Variants in KCNC2 observed in about 807,000 individuals in gnomAD.
KCNC2 encodes potassium voltage-gated channel subfamily C member 2, also known as voltage-gated potassium channel KCNC2.
Under a neutral mutation model 44.5 loss-of-function variants are expected in KCNC2, and 21 were observed. That is an observed-to-expected ratio of 0.47 (90% CI 0.33 to 0.68). The LOEUF is 0.68. Among genes scored for constraint, KCNC2 ranks in the 30% least tolerant of loss-of-function variants. The pLI is 0.01. For synonymous variants in KCNC2, 391 were observed against 339.1 expected (o/e 1.15, Z -1.68); for missense variants, 589 against 826.2 (o/e 0.71, Z 3.52).
intron 2 of KCNC2, among the ~76,000 whole-genome samples, chr12:75,082,604 C>T (rs186712529): frequency 8.4e-4 from 126 of 149,972 alleles, no homozygotes; most frequent in African/African-American, 2.9e-3. Flanking sequence ...CACTGCAGTG[C>T]TGCTTTTCAC....
At position 75,051,074 on chromosome 12, in the gene KCNC2, T is replaced by C; in HGVS notation, c.931A>G (p.Ile311Val). 6.2e-7 allele frequency: 1 copy of C among 1,613,808 alleles called. No homozygotes were observed. Among genetic ancestry groups the C allele is most frequent in the Non-Finnish European group, 8.5e-7 (1 of 1,179,834 alleles). ...IVFSPNKLEF[I>V]KNLLNIIDFV... ...TCAATGATATTCAAGAGATTTTTGA[T>C]GAATTCAAGTTTATTGGGTGAAAAA... The change falls in exon 3 of 5, where the codon ATC becomes GTC. Residue 311 changes from isoleucine to valine, a missense_variant. Around this residue, in one of 7 missense-constraint regions of KCNC2, gnomAD observed 67 missense variants for 237.4 expected, o/e 0.28. Transcript: ENST00000549446.
At chr12:75,136,602 C>T (rs986700863) in intron 2 of KCNC2, among the ~76,000 whole-genome samples, 3 of 152,140 alleles carry the variant, frequency 2.0e-5, no homozygotes, top group African/African-American at 7.2e-5. Context: ...AAACATACAG[C>T]CTCCCAAGAT....
intron 2 of KCNC2, among the ~76,000 whole-genome samples, chr12:75,119,374 C>G (rs1449438250): frequency 6.6e-6 from 1 of 152,110 alleles, no homozygotes; most frequent in African/African-American, 2.4e-5. Context: ...TATTTTCTCT[C>G]TAGTAGAGAT....
chr12:75,097,918 G>A (rs1272389450), intron 2 of KCNC2, among the ~76,000 whole-genome samples: 2 of 152,054 alleles, frequency 1.3e-5, no homozygotes, highest in East Asian at 3.9e-4. Context: ...TCTATTGTTA[G>A]GAAAATAAGA....
At chr12:75,168,095 C>A (rs1026542908) in intron 2 of KCNC2, among the ~76,000 whole-genome samples, 1 of 146,688 alleles carries the variant, frequency 6.8e-6, no homozygotes, top group Non-Finnish European at 1.5e-5. Context: ...CATCATTTGC[C>A]CTCCTAAAAC....
intron 2 of KCNC2, among the ~76,000 whole-genome samples, chr12:75,086,632 T>C (rs918330804): frequency 4.3e-5 from 6 of 138,316 alleles, no homozygotes; most frequent in South Asian, 2.3e-4. Flanking sequence ...CAGTAGAATG[T>C]AGTCCCATAA....
At chr12:75,074,225 C>A (rs950719041) in intron 2 of KCNC2, among the ~76,000 whole-genome samples, 13 of 139,972 alleles carry the variant, frequency 9.3e-5, no homozygotes, top group Admixed American at 3.9e-4. Flanking sequence ...TCTAAGACTA[C>A]TCATAGATTT....
intron 2 of KCNC2, among the ~76,000 whole-genome samples, chr12:75,156,766 A>G (rs1890787239): frequency 6.6e-6 from 1 of 151,884 alleles, no homozygotes; most frequent in African/African-American, 2.4e-5. Context: ...TTAAGTTTGC[A>G]GCCTACCATT....
chr12:75,141,192 T>G (rs922802314), intron 2 of KCNC2, among the ~76,000 whole-genome samples: 16 of 152,180 alleles, frequency 1.1e-4, no homozygotes, highest in African/African-American at 3.4e-4. Context: ...CCTCAAATGT[T>G]TTATTTTCAA....
chr12:75,188,825 C>T (rs971842513), intron 2 of KCNC2, among the ~76,000 whole-genome samples: 1 of 151,656 alleles, frequency 6.6e-6, no homozygotes, highest in Non-Finnish European at 1.5e-5. Flanking sequence ...TGCCACTGCA[C>T]TCACTGCAGC....
intron 2 of KCNC2, among the ~76,000 whole-genome samples, chr12:75,172,254 T>G (rs960908497): frequency 2.0e-5 from 3 of 151,776 alleles, no homozygotes; most frequent in Non-Finnish European, 4.4e-5. Context: ...TGTTTTCACT[T>G]ATAAGTGGGA....
intron 2 of KCNC2, among the ~76,000 whole-genome samples, chr12:75,182,923 T>C (rs1892701662): frequency 6.6e-6 from 1 of 152,190 alleles, no homozygotes; most frequent in South Asian, 2.1e-4. Flanking sequence ...GGCTGTTTTA[T>C]GCCATGCAGT....
rs539051030 is a variant in KCNC2 at position 75,167,511 on chromosome 12, A to G, written c.687+39786T>C. ...AATGCATGAAAAGAAAGTCATAAGT[A>G]AACACATCATAACAGAGAAAGAAAA... On this transcript the variant is annotated intron_variant, in intron 2 of 4. Coordinates refer to ENST00000549446, the MANE Select transcript of KCNC2 (RefSeq NM_139137.4). Among the ~76,000 whole-genome samples the G allele has an allele frequency of 3.3e-5, 5 of 151,446 alleles. No individual in the cohort carries two copies. The South Asian group carries it at 1.0e-3, about 31-fold the overall frequency.
At chr12:75,138,724 T>G (rs112544947) in intron 2 of KCNC2, among the ~76,000 whole-genome samples, 1 of 152,182 alleles carries the variant, frequency 6.6e-6, no homozygotes, top group African/African-American at 2.4e-5. Context: ...CTCATGCTTA[T>G]AATCCCAGCA....
At chr12:75,076,840 T>A (rs1356178302) in intron 2 of KCNC2, among the ~76,000 whole-genome samples, 1 of 152,224 alleles carries the variant, frequency 6.6e-6, no homozygotes, top group Non-Finnish European at 1.5e-5. Context: ...TTTATAAGAA[T>A]TATTAATTGG....
At chr12:75,076,808 C>A (rs1250325916) in intron 2 of KCNC2, among the ~76,000 whole-genome samples, 11 of 152,158 alleles carry the variant, frequency 7.2e-5, no homozygotes, top group Non-Finnish European at 1.2e-4. Flanking sequence ...TTAAATATAT[C>A]TATCTCTATC....
intron 2 of KCNC2, among the ~76,000 whole-genome samples, chr12:75,054,880 G>C (rs979597167): frequency 6.6e-6 from 1 of 152,112 alleles, no homozygotes; most frequent in Non-Finnish European, 1.5e-5. Context: ...ATTATCCAGA[G>C]GCAAACACTT....
intron 2 of KCNC2, among the ~76,000 whole-genome samples, chr12:75,075,016 T>C (rs1883790460): frequency 6.6e-6 from 1 of 152,154 alleles, no homozygotes; most frequent in African/African-American, 2.4e-5. Flanking sequence ...CAGCAAGATG[T>C]GTTGCATTAT....
intron 2 of KCNC2, among the ~76,000 whole-genome samples, chr12:75,186,441 A>C (rs1892956195): frequency 6.6e-6 from 1 of 152,196 alleles, no homozygotes. Context: ...TACTCTTTTC[A>C]TAAATATTTT....
Sources: gnomAD v4.1 joint callset for allele counts (sites outside exome capture counted in the v4.1 genomes callset) on GRCh38, gnomAD v4.1.1 for gene constraint, gnomAD v4.1.1 regional missense constraint, MANE v1.5 for transcripts, NCBI Gene and HGNC (gene_info 2026-07-23, HGNC 2026-07-21) for gene names.